RIMS1: variants seen among roughly 807,000 people sequenced by gnomAD.
RIMS1 encodes the protein regulating synaptic membrane exocytosis protein 1.
Under a neutral mutation model 214.1 loss-of-function variants are expected in RIMS1, and 83 were observed. The observed-to-expected ratio is 0.39, with a 90% CI of 0.32 to 0.47. RIMS1 has a LOEUF of 0.47. RIMS1 is among the 20% of genes least tolerant of loss of function. The pLI is 0.99. For synonymous variants in RIMS1, 793 were observed against 786.8 expected, an observed-to-expected ratio of 1.01 and a Z score of -0.13; for missense variants, 2,050 against 2,161.8, an observed-to-expected ratio of 0.95 and a Z score of 1.03.
chr6:72,257,923 T>G (rs576245829), intron 16 of RIMS1, among the ~76,000 whole-genome samples: 15 of 152,326 alleles, frequency 9.8e-5, no homozygotes, highest in African/African-American at 3.6e-4. Context: ...TGAGCAAAAC[T>G]GTAACCTGTT....
intron 2 of RIMS1, among the ~76,000 whole-genome samples, chr6:72,073,076 G>A (rs1224253760): frequency 6.6e-6 from 1 of 152,154 alleles, no homozygotes; most frequent in Non-Finnish European, 1.5e-5. Context: ...GGTATTTCGA[G>A]CCCTGACTGT....
intron 4 of RIMS1, among the ~76,000 whole-genome samples, chr6:72,145,795 A>G (rs2042668445): frequency 6.6e-6 from 1 of 152,130 alleles, no homozygotes; most frequent in Admixed American, 6.5e-5. Context: ...AAAACAAACA[A>G]ACAACAACAA....
intron 6 of RIMS1, 62 bp downstream of exon 6, chr6:72,183,211 G>C (rs1315614717): frequency 3.3e-5 from 50 of 1,525,854 alleles, no homozygotes; most frequent in Non-Finnish European, 4.3e-5. Flanking sequence ...GGGCAGAGGT[G>C]CAGGTGCTAG....
chr6:72,318,819 C>A (rs1047009075), intron 28 of RIMS1, among the ~76,000 whole-genome samples: 1 of 152,148 alleles, frequency 6.6e-6, no homozygotes, highest in Non-Finnish European at 1.5e-5. Context: ...CACTTACCGA[C>A]CTGTTTTAGT....
At chr6:72,196,603 T>TTTTTTTTTTTTA (rs780611745) in intron 6 of RIMS1, among the ~76,000 whole-genome samples, 5 of 132,286 alleles carry the variant, frequency 3.8e-5, no homozygotes, top group African/African-American at 1.1e-4. Context: ...TTTTTTTTTT[T>TTTTTTTTTTTTA]ACCTATACAG....
chr6:71,990,297 CA>C (rs1311440811), intron 2 of RIMS1, among the ~76,000 whole-genome samples: 1 of 152,142 alleles, frequency 6.6e-6, no homozygotes, highest in Non-Finnish European at 1.5e-5. Flanking sequence ...AGCTCATTTA[CA>C]ATGCACTTAA....
intron 4 of RIMS1, among the ~76,000 whole-genome samples, chr6:72,120,263 C>G (rs866795083): frequency 2.6e-5 from 4 of 151,808 alleles, no homozygotes; most frequent in Non-Finnish European, 1.5e-5. Context: ...AGTTTACAGT[C>G]CCACCAACAG....
At chr6:72,187,479 G>GGTTT (rs373056102) in intron 6 of RIMS1, among the ~76,000 whole-genome samples, 3 of 125,616 alleles carry the variant, frequency 2.4e-5, no homozygotes, top group Non-Finnish European at 4.8e-5. Context: ...TATCCTTTTT[G>GGTTT]TTTTTTTTTT....
At chr6:72,246,113 C>G (rs2069524542) in intron 11 of RIMS1, among the ~76,000 whole-genome samples, 1 of 152,080 alleles carries the variant, frequency 6.6e-6, no homozygotes, top group Non-Finnish European at 1.5e-5. Context: ...AGCATCATAA[C>G]AGTCAGGACC....
chr6:71,967,265 G>A (rs551284909), intron 1 of RIMS1, among the ~76,000 whole-genome samples: 2 of 152,218 alleles, frequency 1.3e-5, no homozygotes, highest in South Asian at 2.1e-4. Flanking sequence ...GTGGGCGCCT[G>A]TAGTCCCAGC....
chr6:72,281,620 A>G (rs1043942494), intron 23 of RIMS1, among the ~76,000 whole-genome samples: 4 of 152,020 alleles, frequency 2.6e-5, no homozygotes, highest in Admixed American at 1.3e-4. Context: ...AAAATTTTTC[A>G]TCTGAATCAT....
At chr6:72,101,878 G>A (rs1350527197) in intron 4 of RIMS1, among the ~76,000 whole-genome samples, 2 of 151,780 alleles carry the variant, frequency 1.3e-5, no homozygotes, top group African/African-American at 2.4e-5. Context: ...GGAAGATTTT[G>A]TATTTACTTA....
chr6:71,962,091 A>G (rs1276005398), intron 1 of RIMS1, among the ~76,000 whole-genome samples: 1 of 152,158 alleles, frequency 6.6e-6, no homozygotes, highest in Non-Finnish European at 1.5e-5. Flanking sequence ...AATATGAGAA[A>G]CTTATAGAAT....
intron 4 of RIMS1, among the ~76,000 whole-genome samples, chr6:72,108,100 C>T (rs915865420): frequency 6.6e-6 from 1 of 152,102 alleles, no homozygotes; most frequent in Admixed American, 6.6e-5. Flanking sequence ...CTCACTGCAG[C>T]CTTGACTTCC....
chr6:72,108,404 T>G (rs957028793), intron 4 of RIMS1, among the ~76,000 whole-genome samples: 37 of 152,186 alleles, frequency 2.4e-4, no homozygotes, highest in African/African-American at 8.9e-4. Flanking sequence ...TCTATTGTTT[T>G]TAATTGTTAC....
intron 4 of RIMS1, among the ~76,000 whole-genome samples, chr6:72,178,294 GTCTTTT>G (rs1463760715): frequency 2.0e-5 from 3 of 151,820 alleles, no homozygotes; most frequent in Non-Finnish European, 2.9e-5. Context: ...CTTTTTTCCT[GTCTTTT>G]TCTTATTCTT....
intron 30 of RIMS1, 169 bp downstream of exon 30, chr6:72,390,905 C>T (rs1311232624): frequency 3.5e-6 from 2 of 576,592 alleles, no homozygotes; most frequent in African/African-American, 3.7e-5. Context: ...CATGGACACA[C>T]CTCTACACCT....
intron 1 of RIMS1, among the ~76,000 whole-genome samples, chr6:71,905,764 G>A (rs1206553988): frequency 1.3e-5 from 2 of 152,126 alleles, no homozygotes; most frequent in Admixed American, 6.6e-5. Flanking sequence ...GGGGAATAAT[G>A]TTGACTGGAC....
chr6:72,053,796 T>C (rs1006084179), intron 2 of RIMS1, among the ~76,000 whole-genome samples: 9 of 152,162 alleles, frequency 5.9e-5, no homozygotes, highest in African/African-American at 2.2e-4. Context: ...AATTAATATA[T>C]ATGACATGAA....
Sources: gnomAD v4.1 joint callset for allele counts (sites outside exome capture counted in the v4.1 genomes callset) on GRCh38, gnomAD v4.1.1 for gene constraint, MANE v1.5 for transcripts, NCBI Gene and HGNC (gene_info 2026-07-23, HGNC 2026-07-21) for gene names.